The following CNTNAP4 variants were observed in gnomAD, a reference collection of about 807,000 sequenced individuals.
CNTNAP4 encodes contactin-associated protein-like 4.
CNTNAP4 carries 98 observed loss-of-function variants against 148.4 expected under a neutral mutation model. The ratio of observed to expected loss-of-function variants is 0.66; its 90% CI spans 0.56 to 0.78. The LOEUF is 0.78. Among genes scored for constraint, CNTNAP4 ranks in the 30% least tolerant of loss-of-function variants. The probability of loss-of-function intolerance (pLI) is 0.00; values close to 1 mark genes in which losing one functional copy is unlikely to be tolerated. For synonymous variants in CNTNAP4, 730 were observed against 565.1 expected (o/e 1.29, Z -4.14); for missense variants, 1,935 against 1,565.6 (o/e 1.24, Z -3.98).
chr16:76,494,931 G>T lies in CNTNAP4; in HGVS notation c.2102G>T (p.Trp701Leu). Residue 701 changes from tryptophan to leucine, a missense_variant, in exon 14 of 24, where the codon TGG (tryptophan) becomes TTG (leucine). By Grantham distance (61) the Trp-to-Leu change is moderately conservative. Coordinates refer to ENST00000611870, the MANE Select transcript of CNTNAP4 (RefSeq NM_033401.5). ...TCAGATGGAACCCCTCTGAGTTGGT[G>T]GGTAGGAAGAACCAATGAAACGCAA... Reference protein sequence around the residue: ...NKQDGTPLSWWVGRTNETQTY... With the variant: ...NKQDGTPLSWLVGRTNETQTY... 1 of 1,613,386 alleles carries T rather than the reference G, an allele frequency of 6.2e-7. No homozygotes were observed. The highest frequency in any genetic ancestry group is 8.5e-7 in the Non-Finnish European group (1 of 1,179,502).
Position 76,521,125 on chromosome 16 carries a change from T to G in CNTNAP4, c.2366-15T>G. On this transcript the variant is annotated splice_polypyrimidine_tract_variant and intron_variant, in intron 15 of 23. Coordinates refer to ENST00000611870, the MANE Select transcript of CNTNAP4 (RefSeq NM_033401.5). ...CTTTCTGAATTTTTTTTTCTTTTTT[T>G]TTTTCACAAAACAGGATCATTTTGG... 6.4e-7 allele frequency: 1 copy of G among 1,562,934 alleles called. No individual in the cohort carries two copies. Among genetic ancestry groups the G allele is most frequent in the Non-Finnish European group, 8.6e-7 (1 of 1,164,812 alleles).
chr16:76,510,872 A>G (rs1483656196), intron 15 of CNTNAP4, among the ~76,000 whole-genome samples: 2 of 152,060 alleles, frequency 1.3e-5, no homozygotes, highest in Non-Finnish European at 2.9e-5. Flanking sequence ...ATTTTATGCC[A>G]TTGAGTACTG....
chr16:76,468,405 C>T (rs1050888889), intron 10 of CNTNAP4, among the ~76,000 whole-genome samples: 1 of 152,016 alleles, frequency 6.6e-6, no homozygotes, highest in African/African-American at 2.4e-5. Context: ...ATCAGGGAGG[C>T]GGAGGTTGCA....
intron 11 of CNTNAP4, among the ~76,000 whole-genome samples, chr16:76,477,312 C>T (rs1299640877): frequency 2.6e-5 from 4 of 152,048 alleles, no homozygotes; most frequent in Admixed American, 2.6e-4. Context: ...ACCAAAATGC[C>T]CATTTCCCCC....
intron 1 of CNTNAP4, among the ~76,000 whole-genome samples, chr16:76,313,084 A>G (rs16944199): frequency 0.093 from 14,081 of 152,086 alleles, 2,134 homozygotes; most frequent in African/African-American, 0.32. Context: ...TCTGTTTTCC[A>G]TATTACATGT....
intron 3 of CNTNAP4, among the ~76,000 whole-genome samples, chr16:76,393,156 A>C (rs2078086010): frequency 6.6e-6 from 1 of 152,190 alleles, no homozygotes; most frequent in Non-Finnish European, 1.5e-5. Context: ...GGAAACCAAC[A>C]AACCCCTATC....
At chr16:76,316,654 T>A (rs1961790753) in intron 2 of CNTNAP4, 131 bp downstream of exon 2, 2 of 654,006 alleles carry the variant, frequency 3.1e-6, no homozygotes, top group Admixed American at 2.4e-5. Context: ...TGGTTAAAAC[T>A]CATGAGATGT....
intron 12 of CNTNAP4, among the ~76,000 whole-genome samples, chr16:76,483,271 C>G (rs1378944865): frequency 6.9e-6 from 1 of 144,248 alleles, no homozygotes; most frequent in Non-Finnish European, 1.5e-5. Flanking sequence ...CACACACACA[C>G]ACACACATCC....
chr16:76,298,068 A>C (rs1959501370), intron 1 of CNTNAP4, among the ~76,000 whole-genome samples: 1 of 152,058 alleles, frequency 6.6e-6, no homozygotes, highest in Admixed American at 6.6e-5. Flanking sequence ...TAGTGTCCCT[A>C]CATCTTCCCC....
intron 17 of CNTNAP4, among the ~76,000 whole-genome samples, chr16:76,534,413 G>A (rs2084126052): frequency 6.6e-6 from 1 of 152,148 alleles, no homozygotes; most frequent in South Asian, 2.1e-4. Flanking sequence ...CTGGTGATGA[G>A]ACACCATCAT....
chr16:76,368,797 T>G (rs962607216), intron 3 of CNTNAP4, among the ~76,000 whole-genome samples: 4 of 152,118 alleles, frequency 2.6e-5, no homozygotes, highest in Non-Finnish European at 4.4e-5. Flanking sequence ...ATCCTGCACG[T>G]GTATCCCAGA....
chr16:76,396,193 C>T (rs1597411496), intron 3 of CNTNAP4, among the ~76,000 whole-genome samples: 1 of 152,160 alleles, frequency 6.6e-6, no homozygotes, highest in Non-Finnish European at 1.5e-5. Context: ...GTTTATATAG[C>T]TAAAAAAGTC....
Position 76,303,202 on chromosome 16 carries a change from A to AT in CNTNAP4, c.86-13203dup, listed in dbSNP as rs1352554890. On this transcript the variant is annotated intron_variant, in intron 1 of 23. Transcript: ENST00000611870. ...AAGCTTATTGTTTCTAGTTGGCTTG[A>AT]TTTTTTTTCCCTTAGTGAGAAATAG... Among the ~76,000 whole-genome samples the AT allele has an allele frequency of 2.6e-5, 4 of 151,972 alleles. No individual in the cohort carries two copies. The East Asian group carries it at 7.7e-4, about 29-fold the overall frequency.
At chr16:76,438,907 C>T (rs1163086292) in intron 4 of CNTNAP4, among the ~76,000 whole-genome samples, 1 of 152,180 alleles carries the variant, frequency 6.6e-6, no homozygotes, top group African/African-American at 2.4e-5. Context: ...GGAACTTGTA[C>T]ATTTGTCTGT....
chr16:76,391,542 T>G (rs1032254928), intron 3 of CNTNAP4, among the ~76,000 whole-genome samples: 2 of 152,330 alleles, frequency 1.3e-5, no homozygotes, highest in Middle Eastern at 3.4e-3. Flanking sequence ...CCAGGTTGTC[T>G]TGTATGCTAT....
At chr16:76,425,237 C>T (rs933209358) in intron 3 of CNTNAP4, among the ~76,000 whole-genome samples, 1 of 152,068 alleles carries the variant, frequency 6.6e-6, no homozygotes, top group African/African-American at 2.4e-5. Context: ...GTTTTCTGGC[C>T]TTATATGTTT....
At chr16:76,336,859 A>G (rs568337228) in intron 2 of CNTNAP4, among the ~76,000 whole-genome samples, 1 of 152,326 alleles carries the variant, frequency 6.6e-6, no homozygotes, top group Admixed American at 6.5e-5. Flanking sequence ...CAAAATATCC[A>G]GAAATCTCTG....
In CNTNAP4 at chr16:76,545,738, A is replaced by C. The variant is rs1401850649; in HGVS notation, c.3442+4948A>C. Among the ~76,000 whole-genome samples the C allele has an allele frequency of 5.3e-5, 8 of 152,326 alleles. No individual in the cohort carries two copies. The East Asian group carries it at 1.5e-3, about 29-fold the overall frequency. On this transcript the variant is annotated intron_variant, in intron 21 of 23. Coordinates refer to ENST00000611870, the MANE Select transcript of CNTNAP4 (RefSeq NM_033401.5). ...ATTGTTTATTTCTTTAATTACTAAC[A>C]TGCCTTAAAAGGTACCCAGCCAGGC...
intron 3 of CNTNAP4, among the ~76,000 whole-genome samples, chr16:76,380,797 G>A (rs2015892198): frequency 6.6e-6 from 1 of 152,136 alleles, no homozygotes; most frequent in African/African-American, 2.4e-5. Flanking sequence ...CAGTTACCGA[G>A]GGTGGAACCA....
Sources: allele counts gnomAD v4.1 joint callset (sites outside exome capture counted in the v4.1 genomes callset), GRCh38; gene constraint gnomAD v4.1.1; transcripts MANE v1.5; gene names NCBI Gene and HGNC (gene_info 2026-07-23, HGNC 2026-07-21).